The following FREM1 variants were observed in gnomAD, a reference collection of about 807,000 sequenced individuals.
The protein encoded by FREM1 is FRAS1-related extracellular matrix protein 1.
A neutral mutation model predicts 210.1 loss-of-function variants in FREM1; 220 were observed. The observed-to-expected ratio is 1.05, with a 90% CI of 0.94 to 1.17. The LOEUF is 1.17. Ranked by LOEUF, FREM1 falls within the 50% of genes most tolerant of loss-of-function variation. The pLI, the probability that FREM1 is intolerant of heterozygous loss-of-function variation, is 0.00. For missense variants in FREM1, 3,454 were observed against 2,675.5 expected (o/e 1.29, Z -6.42); for synonymous variants, 1,189 against 980.2 (o/e 1.21, Z -3.98).
chr9:14,884,964 G>A (rs1256111451), intron 1 of FREM1, among the ~76,000 whole-genome samples: 3 of 106,676 alleles, frequency 2.8e-5, no homozygotes, highest in Non-Finnish European at 4.9e-5. Flanking sequence ...TCGCTCTGTC[G>A]CCCAGGCTGG....
Position 14,860,875 on chromosome 9 carries a change from G to GTATATACGTA in FREM1, c.330-1392_330-1391insTACGTATATA, listed in dbSNP as rs1564102921. ...TACGTATATATACACATATATATAC[G>GTATATACGTA]TATATATACACATATATACATATAT... On this transcript the variant is annotated intron_variant, in intron 3 of 36. Coordinates refer to ENST00000380880, the MANE Select transcript of FREM1 (RefSeq NM_001379081.2). 2.0e-3 allele frequency among the ~76,000 whole-genome samples: 62 copies of GTATATACGTA among 30,746 alleles called. 6 individuals are homozygous for GTATATACGTA. The highest frequency in any genetic ancestry group is 0.011 in the African/African-American group (60 of 5,300). 20.2% of individuals were successfully genotyped at this position (30,746 alleles called of 152,430 possible).
intron 28 of FREM1, among the ~76,000 whole-genome samples, chr9:14,758,819 C>T (rs1164588008): frequency 6.6e-6 from 1 of 152,160 alleles, no homozygotes; most frequent in Non-Finnish European, 1.5e-5. Context: ...ATAGGTTGTG[C>T]TTCATGGGTC....
chr9:14,755,515 C>T (rs1844175907), intron 29 of FREM1, among the ~76,000 whole-genome samples: 10 of 152,178 alleles, frequency 6.6e-5, no homozygotes, highest in Admixed American at 6.5e-4. Context: ...GATTCAGATC[C>T]ATCTCAAACC....
intron 1 of FREM1, among the ~76,000 whole-genome samples, chr9:14,906,801 T>G (rs550967202): frequency 6.6e-6 from 1 of 152,258 alleles, no homozygotes; most frequent in African/African-American, 2.4e-5. Context: ...TAATGTTTGA[T>G]AGAAAGCAGG....
At chr9:14,764,775 T>A (rs1846093569) in intron 27 of FREM1, among the ~76,000 whole-genome samples, 1 of 152,184 alleles carries the variant, frequency 6.6e-6, no homozygotes, top group Non-Finnish European at 1.5e-5. Context: ...ATAAATATGT[T>A]CTTTCTGATA....
chr9:14,847,628 C>T lies in FREM1; in HGVS notation c.1261+1037G>A, dbSNP rs142681376. Reference sequence around the variant, plus strand: ...AATATTAACATTGGTTATATCTTCACGGCGAAATAATAATTTTAGATGCAT... The same window carrying T: ...AATATTAACATTGGTTATATCTTCATGGCGAAATAATAATTTTAGATGCAT... On this transcript the variant is annotated intron_variant, in intron 7 of 36. Coordinates refer to ENST00000380880, the MANE Select transcript of FREM1 (RefSeq NM_001379081.2). Among the ~76,000 whole-genome samples, 125 of 152,174 alleles carry T rather than the reference C, an allele frequency of 8.2e-4. 2 individuals are homozygous for T. Among genetic ancestry groups the T allele is most frequent in the Admixed American group, 2.8e-3 (43 of 15,276 alleles).
chr9:14,830,813 C>G, intron 10 of FREM1, among the ~76,000 whole-genome samples: 1 of 152,328 alleles, frequency 6.6e-6, no homozygotes, highest in Middle Eastern at 3.4e-3. Flanking sequence ...AGCCATATCA[C>G]TTTGGTGCAT....
chr9:14,784,720 T>C (rs1055807912), intron 23 of FREM1, 86 bp from the exon 24 acceptor site: 1 of 1,014,696 alleles, frequency 9.9e-7, no homozygotes, highest in Admixed American at 3.4e-5. Context: ...AGGCCAAAAC[T>C]GTGCAAAAAT....
intron 10 of FREM1, among the ~76,000 whole-genome samples, chr9:14,834,684 G>A (rs1824205752): frequency 6.6e-6 from 1 of 152,102 alleles, no homozygotes; most frequent in African/African-American, 2.4e-5. Flanking sequence ...TCAGAAAAGA[G>A]GTAAACAGGA....
chr9:14,874,126 G>GA (rs1039812416), intron 1 of FREM1, among the ~76,000 whole-genome samples: 3 of 152,108 alleles, frequency 2.0e-5, no homozygotes, highest in Non-Finnish European at 4.4e-5. Flanking sequence ...GTGTGGTGCT[G>GA]AAAAAAATGT....
chr9:14,875,901 C>T (rs1276216049), intron 1 of FREM1, among the ~76,000 whole-genome samples: 1 of 152,198 alleles, frequency 6.6e-6, no homozygotes, highest in Admixed American at 6.5e-5. Context: ...ACAGACAGGA[C>T]CCTCAGCTGC....
At chr9:14,770,470 T>C (rs1407100671) in intron 26 of FREM1, 135 bp downstream of exon 26, 4 of 645,604 alleles carry the variant, frequency 6.2e-6, no homozygotes, top group Non-Finnish European at 1.1e-5. Flanking sequence ...GCAATATTGA[T>C]TTATAAACTG....
intron 7 of FREM1, 62 bp from the exon 8 acceptor site, chr9:14,846,153 T>C: frequency 7.5e-7 from 1 of 1,330,748 alleles, no homozygotes. Flanking sequence ...ATGAGGCACA[T>C]ATACACCATG....
At chr9:14,799,953 C>G (rs1488407983) in intron 20 of FREM1, among the ~76,000 whole-genome samples, 3 of 125,178 alleles carry the variant, frequency 2.4e-5, no homozygotes, top group Non-Finnish European at 4.9e-5. Context: ...CCCCCTCCCC[C>G]CACCCCACAA....
chr9:14,838,755 G>C (rs957385288), intron 10 of FREM1, among the ~76,000 whole-genome samples: 1 of 152,066 alleles, frequency 6.6e-6, no homozygotes, highest in East Asian at 1.9e-4. Flanking sequence ...GAATAATTCC[G>C]GGTCCCTACT....
intron 1 of FREM1, among the ~76,000 whole-genome samples, chr9:14,873,973 T>C (rs369695845): frequency 2.0e-5 from 3 of 152,254 alleles, no homozygotes; most frequent in Admixed American, 6.5e-5. Flanking sequence ...TGTAGTTGAG[T>C]GGTTTTGAGT....
intron 14 of FREM1, among the ~76,000 whole-genome samples, chr9:14,817,514 C>T (rs1369735644): frequency 6.6e-6 from 1 of 152,154 alleles, no homozygotes; most frequent in African/African-American, 2.4e-5. Flanking sequence ...TTCTTGAAGG[C>T]ATTGTCTAAT....
At chr9:14,862,532 C>T (rs1830771701) in intron 3 of FREM1, among the ~76,000 whole-genome samples, 1 of 152,136 alleles carries the variant, frequency 6.6e-6, no homozygotes, top group Admixed American at 6.5e-5. Context: ...CCACAAAGTT[C>T]ATCTTTTAAA....
intron 28 of FREM1, among the ~76,000 whole-genome samples, chr9:14,757,560 AC>A (rs1844644139): frequency 2.6e-5 from 4 of 152,324 alleles, no homozygotes; most frequent in African/African-American, 9.6e-5. Flanking sequence ...ATCTCAAAAA[AC>A]AAAAAAAAAG....
Sources: allele counts gnomAD v4.1 joint callset (sites outside exome capture counted in the v4.1 genomes callset), GRCh38; gene constraint gnomAD v4.1.1; transcripts MANE v1.5; gene names NCBI Gene and HGNC (gene_info 2026-07-23, HGNC 2026-07-21).